CSMD1: variants seen among roughly 807,000 people sequenced by gnomAD.
The protein encoded by CSMD1 is CUB and Sushi multiple domains 1, also known as CUB and sushi domain-containing protein 1.
CSMD1 carries 213 observed loss-of-function variants against 417.5 expected under a neutral mutation model. The observed-to-expected ratio is 0.51, with a 90% CI of 0.46 to 0.57. The LOEUF is 0.57. Among genes scored for constraint, CSMD1 ranks in the 20% least tolerant of loss-of-function variants. The pLI is 0.00. For missense variants in CSMD1, 6,923 were observed against 4,529.7 expected (o/e 1.53, Z -15.17); for synonymous variants, 2,862 against 1,736.8 (o/e 1.65, Z -16.11).
intron 54 of CSMD1, among the ~76,000 whole-genome samples, chr8:2,988,035 T>G (rs1434364969): frequency 6.6e-6 from 1 of 152,174 alleles, no homozygotes; most frequent in African/African-American, 2.4e-5. Flanking sequence ...TCCTAAAACC[T>G]ATTTTCCCCA....
chr8:4,524,113 C>T (rs1803643161), intron 2 of CSMD1, among the ~76,000 whole-genome samples: 1 of 152,032 alleles, frequency 6.6e-6, no homozygotes, highest in Non-Finnish European at 1.5e-5. Flanking sequence ...AAAAACTCCC[C>T]AGGCATTGAA....
intron 7 of CSMD1, among the ~76,000 whole-genome samples, chr8:3,626,367 C>A (rs1329633985): frequency 1.3e-5 from 2 of 152,148 alleles, no homozygotes; most frequent in Admixed American, 6.5e-5. Flanking sequence ...ATGGTCTCCT[C>A]ACAGTGAAAG....
At chr8:3,010,427 T>C (rs1369457542) in intron 52 of CSMD1, among the ~76,000 whole-genome samples, 1 of 152,154 alleles carries the variant, frequency 6.6e-6, no homozygotes, top group African/African-American at 2.4e-5. Context: ...TTATCAGATC[T>C]TTTCCACCAT....
In CSMD1 at chr8:3,492,829, C is replaced by A. The variant is rs1796185592; in HGVS notation, c.1448+794G>T. On this transcript the variant is annotated intron_variant, in intron 11 of 69. Coordinates refer to ENST00000635120, the MANE Select transcript of CSMD1 (RefSeq NM_033225.6). The stretch of plus-strand genomic sequence containing the variant: ...CAAAGGTACACTGAGTCACCCCCAA[C>A]ACTTTTCCCCCCCATGTCTGTTACT... 2.0e-5 allele frequency among the ~76,000 whole-genome samples: 3 copies of A among 151,850 alleles called. No homozygotes were observed. The South Asian group carries it at 6.2e-4, about 32-fold the overall frequency.
chr8:3,099,718 T>C (rs999202933), intron 46 of CSMD1, among the ~76,000 whole-genome samples: 2 of 152,236 alleles, frequency 1.3e-5, no homozygotes, highest in Non-Finnish European at 2.9e-5. Context: ...TGCAATGATC[T>C]AACCCAGAAG....
In CSMD1 at chr8:3,367,090, C is replaced by G; in HGVS notation, c.3057G>C (p.Gln1019His). ...TTGAGAAGTCTGATATAAACCGAAG[C>G]TGGGCAGTGAAGTTTCCAAACAGGC... ...KAGLFGNFTA[Q>H]LRFISDFSIS... is the part of the protein sequence containing the mutation. The change falls in exon 20 of 70, where the codon CAG (glutamine) becomes CAC (histidine). Residue 1019 changes from glutamine to histidine, a missense_variant. Physicochemically the swap from Gln to His is conservative, Grantham distance 24. Coordinates refer to ENST00000635120, the MANE Select transcript of CSMD1 (RefSeq NM_033225.6). The G allele has an allele frequency of 1.2e-6, 2 of 1,613,830 alleles. No homozygotes were observed. The highest frequency in any genetic ancestry group is 1.7e-6 in the Non-Finnish European group (2 of 1,179,842).
At chr8:3,688,633 C>T (rs1800070038) in intron 7 of CSMD1, among the ~76,000 whole-genome samples, 1 of 152,180 alleles carries the variant, frequency 6.6e-6, no homozygotes, top group South Asian at 2.1e-4. Context: ...AGCAAAAATA[C>T]AAATTCTAGA....
intron 52 of CSMD1, among the ~76,000 whole-genome samples, chr8:3,018,165 A>G (rs182597338): frequency 6.6e-6 from 1 of 152,374 alleles, no homozygotes; most frequent in Admixed American, 6.5e-5. Context: ...AAAACATAAA[A>G]TGTACAATAT....
At chr8:4,173,164 G>C (rs980944091) in intron 3 of CSMD1, among the ~76,000 whole-genome samples, 4 of 152,150 alleles carry the variant, frequency 2.6e-5, no homozygotes, top group East Asian at 1.9e-4. Flanking sequence ...GATTATAATA[G>C]CGCATAAAAA....
rs1412770543 is a variant in CSMD1 at position 3,712,399 on chromosome 8, A to G, written c.932-3908T>C. 5.4e-3 allele frequency among the ~76,000 whole-genome samples: 145 copies of G among 26,988 alleles called. 2 individuals carry two copies. Among genetic ancestry groups the G allele is most frequent in the African/African-American group, 0.011 (138 of 12,750 alleles). 17.7% of individuals were successfully genotyped at this position (26,988 alleles called of 152,430 possible). A position where few individuals can be genotyped will look rare whatever the true frequency, so the allele number is the denominator to read the frequency against. On this transcript the variant is annotated intron_variant, in intron 6 of 69. Coordinates refer to ENST00000635120, the MANE Select transcript of CSMD1 (RefSeq NM_033225.6). ...AGGAGAGAGAGAGAGAGAGAGAGAG[A>G]GACAGACAGACAGACAGACAGACAG...
At chr8:4,031,295 G>C (rs1437096143) in intron 4 of CSMD1, among the ~76,000 whole-genome samples, 1 of 152,160 alleles carries the variant, frequency 6.6e-6, no homozygotes, top group Non-Finnish European at 1.5e-5. Flanking sequence ...AAGTTTAATA[G>C]ACTTACCGTC....
chr8:3,248,727 T>C (rs1437687548), intron 26 of CSMD1, among the ~76,000 whole-genome samples: 2 of 152,068 alleles, frequency 1.3e-5, no homozygotes, highest in Non-Finnish European at 2.9e-5. Context: ...GCCAAACAGC[T>C]TTGACTAACA....
chr8:3,758,365 G>C (rs549504800), intron 5 of CSMD1, among the ~76,000 whole-genome samples: 1 of 152,294 alleles, frequency 6.6e-6, no homozygotes, highest in Admixed American at 6.5e-5. Context: ...GTACCCCGAA[G>C]TCGATTTTTG....
chr8:4,096,670 G>A (rs1165946265), intron 3 of CSMD1, among the ~76,000 whole-genome samples: 1 of 152,232 alleles, frequency 6.6e-6, no homozygotes, highest in East Asian at 1.9e-4. Context: ...AGAACATAAG[G>A]CAACAAATTC....
chr8:4,990,705 T>A (rs1359160336), intron 1 of CSMD1, among the ~76,000 whole-genome samples: 2 of 152,114 alleles, frequency 1.3e-5, no homozygotes, highest in Non-Finnish European at 2.9e-5. Flanking sequence ...TGCGAAAGTA[T>A]CTTCTTCACA....
At chr8:3,208,560 C>A (rs974961608) in intron 30 of CSMD1, among the ~76,000 whole-genome samples, 7 of 152,074 alleles carry the variant, frequency 4.6e-5, no homozygotes, top group African/African-American at 1.7e-4. Context: ...CCACCACGCC[C>A]GGCCATATGT....
chr8:4,066,665 C>G (rs894014598), intron 3 of CSMD1, among the ~76,000 whole-genome samples: 15 of 152,110 alleles, frequency 9.9e-5, no homozygotes, highest in Non-Finnish European at 2.1e-4. Context: ...CTCATCAAAC[C>G]AAGAACATTT....
At chr8:4,432,201 T>C (rs1414673695) in intron 2 of CSMD1, among the ~76,000 whole-genome samples, 2 of 152,068 alleles carry the variant, frequency 1.3e-5, no homozygotes, top group South Asian at 2.1e-4. Context: ...AAAAGTAAAA[T>C]TGGAATTTAA....
chr8:3,497,249 C>A (rs548090846), intron 10 of CSMD1, among the ~76,000 whole-genome samples: 109 of 152,260 alleles, frequency 7.2e-4, no homozygotes, highest in African/African-American at 2.5e-3. Context: ...GCAGGATGTT[C>A]AAGTCCACAT....
Sources: allele counts gnomAD v4.1 joint callset (sites outside exome capture counted in the v4.1 genomes callset), GRCh38; gene constraint gnomAD v4.1.1; transcripts MANE v1.5; gene names NCBI Gene and HGNC (gene_info 2026-07-23, HGNC 2026-07-21).